Variants in GP2 observed in about 807,000 individuals in gnomAD.
GP2 encodes the protein glycoprotein 2.
Under a neutral mutation model 60.8 loss-of-function variants are expected in GP2, and 58 were observed. The observed-to-expected ratio is 0.95, with a 90% CI of 0.77 to 1.19. The LOEUF is 1.19. GP2 is among the 50% of genes most tolerant of loss of function. GP2 has a pLI of 0.00. For missense variants in GP2, 647 were observed against 667.4 expected (o/e 0.97, Z 0.34); for synonymous variants, 280 against 253.4 (o/e 1.10, Z -1.00).
chr16:20,315,885 G>T, intron 9 of GP2, 71 bp downstream of exon 9: 1 of 898,086 alleles, frequency 1.1e-6, no homozygotes, highest in South Asian at 1.3e-5. Context: ...TTGAGTTGGT[G>T]ACCCCAGGCA....
chr16:20,313,250 T>C (rs964143353), intron 10 of GP2, among the ~76,000 whole-genome samples: 2 of 84,658 alleles, frequency 2.4e-5, no homozygotes, highest in Admixed American at 1.1e-4. Context: ...TCTCTCTCTC[T>C]CTGTCTCTCT....
chr16:20,312,148 G>T (rs544671783), intron 10 of GP2, among the ~76,000 whole-genome samples: 3 of 152,252 alleles, frequency 2.0e-5, no homozygotes, highest in South Asian at 4.2e-4. Flanking sequence ...TAGTTCTGCT[G>T]GGATTGTATC....
At chr16:20,321,591 G>A (rs558635093) in intron 4 of GP2, among the ~76,000 whole-genome samples, 6 of 152,324 alleles carry the variant, frequency 3.9e-5, no homozygotes, top group Admixed American at 3.3e-4. Flanking sequence ...AATTTGAAAC[G>A]TGGGTAGGAG....
In GP2 at chr16:20,311,279, A is replaced by G; in HGVS notation, c.1549T>C (p.Phe517Leu). The change falls in exon 11 of 11, where the codon TTC becomes CTC. Residue 517 changes from phenylalanine to leucine, a missense_variant and splice_region_variant. Physicochemically the swap from Phe to Leu is conservative, Grantham distance 22. Coordinates refer to ENST00000302555, the MANE Select transcript of GP2 (RefSeq NM_001502.4). Reference protein sequence around the residue: ...VMNGTPSTAGFLVAWPMVLLT... With the variant: ...VMNGTPSTAGLLVAWPMVLLT... ...AGGACCATAGGCCAGGCCACCAGGA[A>G]CCCTGAAATACAAGAAATATGACTG... 1 of 1,596,790 alleles carries G rather than the reference A, an allele frequency of 6.3e-7. No homozygotes were observed. Among genetic ancestry groups the G allele is most frequent in the South Asian group, 1.1e-5 (1 of 90,744 alleles).
Position 20,314,695 on chromosome 16 carries a change from T to C in GP2, c.1508A>G (p.Gln503Arg). Residue 503 changes from glutamine (Q) to arginine (R), a missense_variant, in exon 10 of 11, where the codon CAG becomes CGG. By Grantham distance (43) the Gln-to-Arg change is conservative. Coordinates refer to ENST00000302555, the MANE Select transcript of GP2 (RefSeq NM_001502.4). ...GGTTCCATTCATGACACCGGGAGACTGTGCACCTGTGAACAAGAACAGAAG... is the reference window on the plus strand; with the variant it reads ...GGTTCCATTCATGACACCGGGAGACCGTGCACCTGTGAACAAGAACAGAAG... ...DLGPITRRGA[Q>R]SPGVMNGTPS... 1 of 1,603,302 alleles carries C rather than the reference T, an allele frequency of 6.2e-7. No individual in the cohort carries two copies. Among genetic ancestry groups the C allele is most frequent in the South Asian group, 1.1e-5 (1 of 90,882 alleles).
intron 4 of GP2, among the ~76,000 whole-genome samples, 179 bp from the exon 5 acceptor site, chr16:20,320,652 CA>C (rs1371467730): frequency 6.6e-6 from 1 of 152,188 alleles, no homozygotes; most frequent in Non-Finnish European, 1.5e-5. Context: ...GCCCCTCATT[CA>C]AGATTTCCAA....
At chr16:20,315,192 C>T (rs1467074181) in intron 9 of GP2, among the ~76,000 whole-genome samples, 1 of 152,194 alleles carries the variant, frequency 6.6e-6, no homozygotes, top group African/African-American at 2.4e-5. Context: ...GGTGATAATG[C>T]TTACCTCCCT....
At position 20,326,530 on chromosome 16, in the gene GP2, C is replaced by T. The variant is rs182055483; in HGVS notation, c.-36-63G>A. 2.7e-5 allele frequency: 36 copies of T among 1,311,760 alleles called. No individual in the cohort carries two copies. In the African/African-American group the frequency reaches 3.5e-4, roughly 13 times the overall value. The allele number at this position is 1,311,760 out of a possible 1,614,324, so 81.3% of individuals were successfully genotyped here. Reference sequence around the variant, plus strand: ...AGGTCTATGTTCTTAGAAACAGATCCGTTGACTTCCTTCATAAAGAGCTGC... The same window carrying T: ...AGGTCTATGTTCTTAGAAACAGATCTGTTGACTTCCTTCATAAAGAGCTGC... On this transcript the variant is annotated intron_variant, in intron 1 of 10. Transcript: ENST00000302555.
At chr16:20,315,689 G>A (rs992229240) in intron 9 of GP2, among the ~76,000 whole-genome samples, 1 of 152,150 alleles carries the variant, frequency 6.6e-6, no homozygotes, top group Non-Finnish European at 1.5e-5. Context: ...CTGAGTCTTA[G>A]TTTCTCACCT....
In GP2 at chr16:20,318,460, A is replaced by T. The variant is rs533374898; in HGVS notation, c.1008-30T>A. ...GAAAAAGAAAGCCACAAGAGTGGAA[A>T]CCTCAGAGAACAACATAAATCAAGC... On this transcript the variant is annotated intron_variant, in intron 6 of 10. Coordinates refer to ENST00000302555, the MANE Select transcript of GP2 (RefSeq NM_001502.4). 1.4e-4 allele frequency: 225 copies of T among 1,603,406 alleles called. No individual in the cohort carries two copies. In the Middle Eastern group the frequency reaches 2.3e-3, roughly 17 times the overall value.
At chr16:20,320,777 T>C (rs1964332733) in intron 4 of GP2, among the ~76,000 whole-genome samples, 1 of 152,202 alleles carries the variant, frequency 6.6e-6, no homozygotes, top group Non-Finnish European at 1.5e-5. Flanking sequence ...GTTAGATATA[T>C]GCTACCTTGT....
At position 20,316,042 on chromosome 16, in the gene GP2, T is replaced by C. The variant is rs1964156105; in HGVS notation, c.1417-2A>G. 6.3e-7 allele frequency: 1 copy of C among 1,594,516 alleles called. No individual in the cohort carries two copies. The highest frequency in any genetic ancestry group is 8.6e-7 in the Non-Finnish European group (1 of 1,162,254). On this transcript the variant is annotated splice_acceptor_variant, in intron 8 of 10. Coordinates refer to ENST00000302555, the MANE Select transcript of GP2 (RefSeq NM_001502.4). LOFTEE classifies it high-confidence loss of function. Reference sequence around the variant, plus strand: ...GCGGACTTGACTTCTTGAGCAAGACTGTAGGGATGATGAACTTTTATTATA... The same window carrying C: ...GCGGACTTGACTTCTTGAGCAAGACCGTAGGGATGATGAACTTTTATTATA...
intron 10 of GP2, 56 bp from the exon 11 acceptor site, chr16:20,311,337 C>G (rs1275262971): frequency 1.9e-6 from 2 of 1,047,956 alleles, no homozygotes; most frequent in Non-Finnish European, 3.0e-6. Context: ...CAGGAGCAAA[C>G]ATAAGTTGGC....
At chr16:20,323,145 G>C (rs915225110) in intron 3 of GP2, among the ~76,000 whole-genome samples, 166 bp from the exon 4 acceptor site, 7 of 152,192 alleles carry the variant, frequency 4.6e-5, no homozygotes, top group African/African-American at 1.4e-4. Flanking sequence ...GGATAAGTGA[G>C]AGCCCTAAAG....
At chr16:20,316,098 A>G in intron 8 of GP2, 58 bp from the exon 9 acceptor site, 11 of 1,113,418 alleles carry the variant, frequency 9.9e-6, no homozygotes, top group Non-Finnish European at 1.4e-5. Context: ...TTCTATCTAG[A>G]CTGCTCCTAC....
At position 20,324,025 on chromosome 16, in the gene GP2, TG is replaced by T; in HGVS notation, c.325del (p.Gln109ArgfsTer13). 1 of 1,613,976 alleles carries T rather than the reference TG, an allele frequency of 6.2e-7. No individual in the cohort carries two copies. Among genetic ancestry groups the T allele is most frequent in the Non-Finnish European group, 8.5e-7 (1 of 1,179,788 alleles). ...GGVRMSETCV[Q>X]VHRCQTDAPM... ...AGCGTCTGTCTGGCATCGGTGCACC[TG>T]GACACAGGTCTCCGACATCCTTACT... is the stretch of plus-strand genomic sequence containing the variant. On this transcript the variant is annotated frameshift_variant, in exon 3 of 11. Coordinates refer to ENST00000302555, the MANE Select transcript of GP2 (RefSeq NM_001502.4). LOFTEE classifies it high-confidence loss of function.
chr16:20,319,701 G>A lies in GP2; in HGVS notation c.926C>T (p.Thr309Ile). 1.9e-6 allele frequency: 3 copies of A among 1,607,738 alleles called. No individual in the cohort carries two copies. Among genetic ancestry groups the A allele is most frequent in the Non-Finnish European group, 2.6e-6 (3 of 1,174,162 alleles). Reference protein sequence around the residue: ...SLVNDFIIRDTILNINFQCAY... With the variant: ...SLVNDFIIRDIILNINFQCAY... ...ACATTGGAAGTTGATGTTGAGGATG[G>A]TGTCTCTGATGATGAAATCATTGAC... Residue 309 changes from threonine (T) to isoleucine (I), a missense_variant, in exon 6 of 11, where the codon ACC becomes ATC. Thr to Ile is a moderately conservative substitution (Grantham distance 89). Transcript: ENST00000302555.
At chr16:20,314,608 G>C (rs1246047113) in intron 10 of GP2, 49 bp downstream of exon 10, 1 of 1,289,084 alleles carries the variant, frequency 7.8e-7, no homozygotes, top group Non-Finnish European at 1.1e-6. Context: ...ATTGAAAAGA[G>C]AAAGGAGAGT....
rs1385143544 is a variant in GP2 at position 20,319,618 on chromosome 16, A to T, written c.1007+2T>A. ...GTCAAAGGGCAAGGGTCAATGCCAT[A>T]CCTTACAATGGGCTGCAAGGCAGCT... On this transcript the variant is annotated splice_donor_variant, in intron 6 of 10. Coordinates refer to ENST00000302555, the MANE Select transcript of GP2 (RefSeq NM_001502.4). LOFTEE classifies it high-confidence loss of function. 1 of 1,609,170 alleles carries T rather than the reference A, an allele frequency of 6.2e-7. No individual in the cohort carries two copies. The highest frequency in any genetic ancestry group is 1.3e-5 in the African/African-American group (1 of 74,956).
Sources: allele counts gnomAD v4.1 joint callset (sites outside exome capture counted in the v4.1 genomes callset), GRCh38; gene constraint gnomAD v4.1.1; transcripts MANE v1.5; gene names NCBI Gene and HGNC (gene_info 2026-07-23, HGNC 2026-07-21).